ADCY5: variants seen among roughly 807,000 people sequenced by gnomAD.
The protein encoded by ADCY5 is adenylate cyclase 5, also known as adenylate cyclase type 5.
ADCY5 carries 30 observed loss-of-function variants against 119.7 expected under a neutral mutation model. The ratio of observed to expected loss-of-function variants is 0.25; its 90% CI spans 0.19 to 0.34. The LOEUF (loss-of-function observed/expected upper bound fraction) is 0.34, where lower values mean the gene tolerates loss of function less well. Among genes scored for constraint, ADCY5 ranks in the 10% least tolerant of loss-of-function variants. The pLI is 1.00. For synonymous variants in ADCY5, 753 were observed against 762.2 expected, an observed-to-expected ratio of 0.99 and a Z score of 0.20; for missense variants, 1,324 against 1,775.2, an observed-to-expected ratio of 0.75 and a Z score of 4.57.
chr3:123,372,854 C>T (rs1266091894), intron 1 of ADCY5, among the ~76,000 whole-genome samples: 1 of 152,152 alleles, frequency 6.6e-6, no homozygotes, highest in Non-Finnish European at 1.5e-5. Flanking sequence ...CAAGTCTGAA[C>T]GTGTGTCAAC....
chr3:123,409,079 G>T (rs1363339754), intron 1 of ADCY5, among the ~76,000 whole-genome samples: 1 of 152,194 alleles, frequency 6.6e-6, no homozygotes, highest in Non-Finnish European at 1.5e-5. Flanking sequence ...GCTAGCTGGT[G>T]TTTTAAGCTT....
At chr3:123,408,634 C>A (rs1490942905) in intron 1 of ADCY5, among the ~76,000 whole-genome samples, 6 of 143,612 alleles carry the variant, frequency 4.2e-5, no homozygotes, top group Non-Finnish European at 9.0e-5. Flanking sequence ...CCAGCCTGGG[C>A]GACAGAGCAA....
At position 123,392,395 on chromosome 3, in the gene ADCY5, C is replaced by T. The variant is rs913347240; in HGVS notation, c.1135-39814G>A. On this transcript the variant is annotated intron_variant, in intron 1 of 20. Transcript: ENST00000462833. ...CTGGGAGCTCCTGGAAGGCTACAAA[C>T]CTGCCTGGGGTTCAGAAAGTCTGAG... is the stretch of plus-strand genomic sequence containing the variant. Among the ~76,000 whole-genome samples, 4 of 152,122 alleles carry T rather than the reference C, an allele frequency of 2.6e-5. No individual in the cohort carries two copies. In the East Asian group the frequency reaches 7.7e-4, roughly 29 times the overall value.
intron 11 of ADCY5, among the ~76,000 whole-genome samples, chr3:123,314,846 C>T (rs4234214): frequency 0.16 from 24,740 of 150,404 alleles, 2,514 homozygotes; most frequent in East Asian, 0.56. Flanking sequence ...ACAAGGGTGG[C>T]TGTCTCTTTA....
chr3:123,290,940 G>T (rs1939105989), intron 18 of ADCY5, among the ~76,000 whole-genome samples, 173 bp downstream of exon 18: 2 of 152,178 alleles, frequency 1.3e-5, no homozygotes, highest in Admixed American at 1.3e-4. Flanking sequence ...TGTGTGCAAG[G>T]TGCCCATTGC....
At chr3:123,333,041 G>T (rs894764789) in intron 3 of ADCY5, among the ~76,000 whole-genome samples, 1 of 151,918 alleles carries the variant, frequency 6.6e-6, no homozygotes, top group Admixed American at 6.6e-5. Context: ...TTACAGCCAC[G>T]AGCCACCACA....
intron 3 of ADCY5, among the ~76,000 whole-genome samples, chr3:123,345,759 CAGACAGACAG>C (rs779485463): frequency 1.7e-5 from 2 of 121,124 alleles, no homozygotes; most frequent in East Asian, 2.2e-4. Context: ...GACAGACAGA[CAGACAGACAG>C]ACACACACAC....
intron 1 of ADCY5, among the ~76,000 whole-genome samples, chr3:123,398,300 T>C (rs1315021875): frequency 6.6e-6 from 1 of 152,018 alleles, no homozygotes; most frequent in African/African-American, 2.4e-5. Context: ...TGCAGAGTGA[T>C]GGAGGGACCT....
chr3:123,436,468 G>A (rs974212097), intron 1 of ADCY5, among the ~76,000 whole-genome samples: 2 of 152,212 alleles, frequency 1.3e-5, no homozygotes, highest in African/African-American at 4.8e-5. Flanking sequence ...TACTTTGGGA[G>A]GCCAAGGTGG....
chr3:123,417,850 C>T (rs569187277), intron 1 of ADCY5, among the ~76,000 whole-genome samples: 8 of 152,198 alleles, frequency 5.3e-5, no homozygotes, highest in Middle Eastern at 6.8e-3. Flanking sequence ...AATAGAACTC[C>T]GAAAATGATA....
intron 1 of ADCY5, among the ~76,000 whole-genome samples, chr3:123,379,350 G>C (rs377078780): frequency 6.6e-6 from 1 of 152,104 alleles, no homozygotes; most frequent in African/African-American, 2.4e-5. Context: ...GGACCCCGGA[G>C]TGGGGTTTGG....
intron 20 of ADCY5, among the ~76,000 whole-genome samples, chr3:123,285,983 C>T (rs1471306422): frequency 6.6e-6 from 1 of 152,214 alleles, no homozygotes; most frequent in Non-Finnish European, 1.5e-5. Flanking sequence ...TTAAAAGCAG[C>T]ACAGTTAGCA....
intron 3 of ADCY5, among the ~76,000 whole-genome samples, chr3:123,334,659 A>G (rs1320161410): frequency 6.6e-6 from 1 of 151,944 alleles, no homozygotes; most frequent in Admixed American, 6.6e-5. Context: ...AATCACTTGA[A>G]CTCTGGAGAC....
intron 3 of ADCY5, among the ~76,000 whole-genome samples, chr3:123,333,877 C>T (rs1941898610): frequency 6.6e-6 from 1 of 152,128 alleles, no homozygotes; most frequent in South Asian, 2.1e-4. Flanking sequence ...GTCCTCTATC[C>T]CCTACAAGAA....
At chr3:123,328,509 G>A in intron 6 of ADCY5, 135 bp downstream of exon 6, 1 of 1,045,474 alleles carries the variant, frequency 9.6e-7, no homozygotes, top group South Asian at 1.5e-5. Context: ...GCTCACCCCA[G>A]CGCCCCCACA....
chr3:123,371,938 G>A (rs1250486884), intron 1 of ADCY5, among the ~76,000 whole-genome samples: 1 of 152,204 alleles, frequency 6.6e-6, no homozygotes, highest in Non-Finnish European at 1.5e-5. Flanking sequence ...GTGGGCAGGC[G>A]AAGTCCCTGG....
intron 3 of ADCY5, among the ~76,000 whole-genome samples, chr3:123,346,547 G>C (rs1333018669): frequency 6.6e-6 from 1 of 151,354 alleles, no homozygotes; most frequent in East Asian, 1.9e-4. Context: ...GAACTGGGCA[G>C]TTCTCATTCT....
intron 16 of ADCY5, among the ~76,000 whole-genome samples, 188 bp from the exon 17 acceptor site, chr3:123,296,404 C>T (rs1939515041): frequency 1.3e-5 from 2 of 152,180 alleles, no homozygotes; most frequent in Non-Finnish European, 2.9e-5. Flanking sequence ...CTGGCAGCCC[C>T]ATCTCAGACC....
intron 3 of ADCY5, among the ~76,000 whole-genome samples, chr3:123,336,566 G>A (rs977694570): frequency 2.0e-5 from 3 of 152,178 alleles, no homozygotes; most frequent in African/African-American, 7.2e-5. Flanking sequence ...TCTAGCAGAG[G>A]TAGGACTGCC....
Sources: allele counts gnomAD v4.1 joint callset (sites outside exome capture counted in the v4.1 genomes callset), GRCh38; gene constraint gnomAD v4.1.1; transcripts MANE v1.5; gene names NCBI Gene and HGNC (gene_info 2026-07-23, HGNC 2026-07-21).